The following NPNT variants were observed in gnomAD, a reference collection of about 807,000 sequenced individuals.
NPNT encodes preosteoblast EGF-like repeat protein with MAM domain.
In NPNT, 45 loss-of-function variants were observed where a neutral mutation model predicts 68.6. That is an observed-to-expected ratio of 0.66 (90% CI 0.52 to 0.84). The LOEUF is 0.84. NPNT is among the 40% of genes least tolerant of loss of function. The probability of loss-of-function intolerance (pLI) is 0.00; values close to 1 mark genes in which losing one functional copy is unlikely to be tolerated. For synonymous variants in NPNT, 233 were observed against 253.3 expected, an observed-to-expected ratio of 0.92 and a Z score of 0.76; for missense variants, 672 against 714.8, an observed-to-expected ratio of 0.94 and a Z score of 0.68.
chr4:105,925,484 G>GA (rs932711269), intron 2 of NPNT, among the ~76,000 whole-genome samples: 11 of 150,320 alleles, frequency 7.3e-5, no homozygotes, highest in South Asian at 2.1e-4. Flanking sequence ...AGGAAAGGTA[G>GA]AAAAAAAAAT....
At chr4:105,941,439 T>C (rs980775334) in intron 7 of NPNT, among the ~76,000 whole-genome samples, 3 of 152,158 alleles carry the variant, frequency 2.0e-5, no homozygotes, top group Non-Finnish European at 4.4e-5. Context: ...TTTGGAGTAG[T>C]GGTTATGTAA....
chr4:105,934,587 G>A (rs1464424447), intron 3 of NPNT, among the ~76,000 whole-genome samples: 1 of 152,224 alleles, frequency 6.6e-6, no homozygotes, highest in African/African-American at 2.4e-5. Flanking sequence ...CCAGTCAGCT[G>A]TCAGGGAATA....
intron 3 of NPNT, among the ~76,000 whole-genome samples, chr4:105,933,972 AT>A (rs1250149671): frequency 6.6e-6 from 1 of 152,186 alleles, no homozygotes; most frequent in Non-Finnish European, 1.5e-5. Context: ...ACATGAAATA[AT>A]TCATTAAATT....
At chr4:105,904,312 T>G (rs1379943949) in intron 2 of NPNT, among the ~76,000 whole-genome samples, 2 of 152,222 alleles carry the variant, frequency 1.3e-5, no homozygotes, top group African/African-American at 4.8e-5. Flanking sequence ...GTAATTTTTA[T>G]CAATTGCCCA....
intron 2 of NPNT, among the ~76,000 whole-genome samples, chr4:105,907,491 G>A (rs1011612825): frequency 1.3e-4 from 20 of 152,080 alleles, no homozygotes; most frequent in African/African-American, 9.7e-5. Flanking sequence ...ACGTGGCAGC[G>A]AGCTGAGAAA....
At chr4:105,903,052 C>T (rs1199006667) in intron 2 of NPNT, among the ~76,000 whole-genome samples, 1 of 152,144 alleles carries the variant, frequency 6.6e-6, no homozygotes, top group Non-Finnish European at 1.5e-5. Context: ...CTAGATCTGT[C>T]CTCAAATACC....
At chr4:105,900,142 C>T (rs1389429881) in intron 2 of NPNT, among the ~76,000 whole-genome samples, 1 of 152,160 alleles carries the variant, frequency 6.6e-6, no homozygotes, top group Non-Finnish European at 1.5e-5. Context: ...CCTTTTCGAC[C>T]TTTAGATAAT....
At chr4:105,948,922 C>T (rs570385591) in intron 8 of NPNT, among the ~76,000 whole-genome samples, 4 of 152,168 alleles carry the variant, frequency 2.6e-5, no homozygotes, top group Admixed American at 2.6e-4. Context: ...GCTTGAGGGA[C>T]CCTAGGTTTT....
intron 8 of NPNT, among the ~76,000 whole-genome samples, chr4:105,952,787 C>A (rs1730932049): frequency 6.6e-6 from 1 of 152,180 alleles, no homozygotes; most frequent in Non-Finnish European, 1.5e-5. Context: ...TCTGCTCACC[C>A]TAGACGGTGT....
chr4:105,941,175 CAA>C (rs1294835659), intron 7 of NPNT, among the ~76,000 whole-genome samples: 1 of 150,980 alleles, frequency 6.6e-6, no homozygotes. Context: ...CCTGTCTCTA[CAA>C]AAAAAAATTT....
In NPNT at chr4:105,958,400, T is replaced by C. The variant is rs781725284; in HGVS notation, c.1160-71T>C. On this transcript the variant is annotated intron_variant, in intron 8 of 11. Coordinates refer to ENST00000379987, the MANE Select transcript of NPNT (RefSeq NM_001033047.3). ...CTAGGCCTTTTCCTCCTGCCCTTGTTAAAGGTAATGCCTCTTTATCAATAC... is the reference window on the plus strand; with the variant it reads ...CTAGGCCTTTTCCTCCTGCCCTTGTCAAAGGTAATGCCTCTTTATCAATAC... The C allele has an allele frequency of 4.7e-5, 38 of 810,936 alleles. 1 individual carries two copies. Among genetic ancestry groups the C allele is most frequent in the Non-Finnish European group, 6.9e-5 (34 of 489,308 alleles). The allele number at this position is 810,936 out of a possible 1,614,324, so 50.2% of individuals were successfully genotyped here.
At chr4:105,921,312 G>A (rs1728244771) in intron 2 of NPNT, among the ~76,000 whole-genome samples, 1 of 152,122 alleles carries the variant, frequency 6.6e-6, no homozygotes, top group Non-Finnish European at 1.5e-5. Context: ...AGTGGATTGA[G>A]CATGGAACTG....
At chr4:105,931,340 T>C (rs1201105084) in intron 3 of NPNT, among the ~76,000 whole-genome samples, 6 of 152,128 alleles carry the variant, frequency 3.9e-5, no homozygotes, top group Non-Finnish European at 8.8e-5. Context: ...TTCCTAATGT[T>C]TTAGCATGGT....
At chr4:105,965,146 A>G (rs573818758) in intron 10 of NPNT, among the ~76,000 whole-genome samples, 3 of 152,272 alleles carry the variant, frequency 2.0e-5, no homozygotes, top group East Asian at 3.9e-4. Context: ...TGCAGCATCT[A>G]TTATTTACCC....
chr4:105,898,713 C>A (rs1235226876), intron 2 of NPNT, among the ~76,000 whole-genome samples: 1 of 152,090 alleles, frequency 6.6e-6, no homozygotes, highest in East Asian at 1.9e-4. Context: ...TTTTCTGTGA[C>A]CACAAATGGA....
At chr4:105,938,176 T>G in intron 4 of NPNT, 125 bp from the exon 5 acceptor site, 1 of 791,788 alleles carries the variant, frequency 1.3e-6, no homozygotes, top group Non-Finnish European at 2.0e-6. Flanking sequence ...GTTTGATAGT[T>G]AAGGCCTCTT....
At chr4:105,897,309 T>C (rs767295070) in intron 1 of NPNT, among the ~76,000 whole-genome samples, 17 of 152,224 alleles carry the variant, frequency 1.1e-4, no homozygotes, top group Non-Finnish European at 2.2e-4. Flanking sequence ...CACTTTAAAC[T>C]CTCCTTGGTT....
At chr4:105,908,689 G>A (rs1578585824) in intron 2 of NPNT, among the ~76,000 whole-genome samples, 1 of 151,492 alleles carries the variant, frequency 6.6e-6, no homozygotes, top group Admixed American at 6.6e-5. Context: ...TCAGCCTCCC[G>A]AGTAGCTAGG....
intron 8 of NPNT, among the ~76,000 whole-genome samples, chr4:105,950,995 G>T (rs1345661337): frequency 2.0e-5 from 3 of 152,152 alleles, no homozygotes; most frequent in Non-Finnish European, 2.9e-5. Context: ...AGTGTGTCTG[G>T]AGTAGGACCA....
Sources: gnomAD v4.1 joint callset for allele counts (sites outside exome capture counted in the v4.1 genomes callset) on GRCh38, gnomAD v4.1.1 for gene constraint, MANE v1.5 for transcripts, NCBI Gene and HGNC (gene_info 2026-07-23, HGNC 2026-07-21) for gene names.